BMPR2: variants seen among roughly 807,000 people sequenced by gnomAD.
BMPR2 encodes bone morphogenetic protein receptor type-2.
In BMPR2, 29 loss-of-function variants were observed where a neutral mutation model predicts 100.8. That is an observed-to-expected ratio of 0.29 (90% CI 0.21 to 0.39). The LOEUF (loss-of-function observed/expected upper bound fraction) is 0.39. BMPR2 is among the 10% of genes least tolerant of loss of function. BMPR2 has a pLI of 1.00. For synonymous variants in BMPR2, 382 were observed against 442.3 expected (o/e 0.86, Z 1.71); for missense variants, 1,011 against 1,274.5 (o/e 0.79, Z 3.15).
chr2:202,489,530 T>G (rs936406792), intron 3 of BMPR2, among the ~76,000 whole-genome samples: 17 of 152,138 alleles, frequency 1.1e-4, no homozygotes, highest in Non-Finnish European at 2.4e-4. Context: ...AAGATAGAAG[T>G]AGATTTAAAG....
chr2:202,403,850 A>G (rs571237389), intron 1 of BMPR2, among the ~76,000 whole-genome samples: 19 of 152,188 alleles, frequency 1.2e-4, no homozygotes, highest in African/African-American at 4.6e-4. Flanking sequence ...TACTAAAAAT[A>G]CAAAAGTAGC....
chr2:202,438,775 T>C (rs549378689), intron 1 of BMPR2, among the ~76,000 whole-genome samples: 35 of 150,600 alleles, frequency 2.3e-4, no homozygotes, highest in Non-Finnish European at 4.9e-4. Flanking sequence ...TCACCATATA[T>C]ATAAGGGTTT....
intron 1 of BMPR2, among the ~76,000 whole-genome samples, chr2:202,437,908 A>AT (rs749620633): frequency 0.02 from 3,064 of 150,702 alleles, 68 homozygotes; most frequent in South Asian, 0.038. Flanking sequence ...GTTATTGTGA[A>AT]TAATGCCATT....
chr2:202,422,155 C>T (rs1394220647), intron 1 of BMPR2, among the ~76,000 whole-genome samples: 2 of 152,156 alleles, frequency 1.3e-5, no homozygotes, highest in Non-Finnish European at 2.9e-5. Flanking sequence ...GATCTGCCCG[C>T]GTCGGCCTCC....
intron 3 of BMPR2, among the ~76,000 whole-genome samples, chr2:202,470,588 C>G (rs1387957249): frequency 4.0e-5 from 6 of 150,448 alleles, no homozygotes; most frequent in Non-Finnish European, 8.9e-5. Flanking sequence ...GGTGAAACCC[C>G]GTCTCTACTA....
chr2:202,469,154 C>A (rs1334812573), intron 3 of BMPR2, among the ~76,000 whole-genome samples: 1 of 152,150 alleles, frequency 6.6e-6, no homozygotes, highest in Non-Finnish European at 1.5e-5. Flanking sequence ...CCTCAGCCTC[C>A]CTAGTAGCTG....
rs1184730341 is a variant in BMPR2 at position 202,529,329 on chromosome 2, G to T, written c.968-1465G>T. Among the ~76,000 whole-genome samples the T allele has an allele frequency of 2.0e-5, 3 of 152,306 alleles. No homozygotes were observed. In the East Asian group the frequency reaches 5.8e-4, roughly 29 times the overall value. On this transcript the variant is annotated intron_variant, in intron 7 of 12. Transcript: ENST00000374580. Reference sequence around the variant, plus strand: ...GTGTTCTGCCCAGGGCAAAATTATTGTATGTTCCACCCTCCCTCCATACCC... The same window carrying T: ...GTGTTCTGCCCAGGGCAAAATTATTTTATGTTCCACCCTCCCTCCATACCC...
chr2:202,398,115 A>AC (rs1462377867), intron 1 of BMPR2, among the ~76,000 whole-genome samples: 1 of 152,008 alleles, frequency 6.6e-6, no homozygotes, highest in Non-Finnish European at 1.5e-5. Flanking sequence ...TCTCAAAAAA[A>AC]AAAAAAAAAA....
rs752139986 is a variant in BMPR2, at chr2:202,464,951, A to G, written c.219A>G (p.Ser73=). The change falls in exon 2 of 13, where the codon TCA becomes TCG. Residue 73 remains serine (S), a synonymous_variant. Coordinates refer to ENST00000374580, the MANE Select transcript of BMPR2 (RefSeq NM_001204.7). ...GSTCYGLWEK[S]KGDINLVKQG... ...CCTGCTATGGCCTTTGGGAGAAATC[A>G]AAAGGGGACATAAATCTTGTAAAAC... The G allele has an allele frequency of 1.2e-6, 2 of 1,614,178 alleles. No homozygotes were observed. Among genetic ancestry groups the G allele is most frequent in the South Asian group, 1.1e-5 (1 of 91,082 alleles).
chr2:202,388,175 T>C (rs1258131064), intron 1 of BMPR2, among the ~76,000 whole-genome samples: 2 of 151,744 alleles, frequency 1.3e-5, no homozygotes, highest in Non-Finnish European at 2.9e-5. Flanking sequence ...GGTGGGTGGA[T>C]TAACTGAGAT....
rs1690173676 is a variant in BMPR2, at chr2:202,377,451, T to A, written c.-24T>A. ...CTTCCCATATTTCTTTTCTTTGCCC[T>A]CCTGATTCTTGGCTGGCCCAGGGAT... On this transcript the variant is annotated 5_prime_UTR_variant, in exon 1 of 13. Transcript: ENST00000374580. 1 of 1,613,494 alleles carries A rather than the reference T, an allele frequency of 6.2e-7. No homozygotes were observed. The highest frequency in any genetic ancestry group is 1.3e-5 in the African/African-American group (1 of 74,926).
chr2:202,489,194 G>A (rs917580727), intron 3 of BMPR2, among the ~76,000 whole-genome samples: 17 of 151,980 alleles, frequency 1.1e-4, no homozygotes, highest in African/African-American at 3.6e-4. Flanking sequence ...GTAGAGATGG[G>A]GTTTCACCAT....
At chr2:202,524,283 A>C (rs1000977814) in intron 7 of BMPR2, among the ~76,000 whole-genome samples, 12 of 148,354 alleles carry the variant, frequency 8.1e-5, no homozygotes, top group Middle Eastern at 3.5e-3. Context: ...AATGCCATGA[A>C]CCCGGTACGC....
At chr2:202,484,468 A>T (rs1482111797) in intron 3 of BMPR2, among the ~76,000 whole-genome samples, 22 of 150,726 alleles carry the variant, frequency 1.5e-4, no homozygotes, top group African/African-American at 5.1e-4. Context: ...AGGTCAGGAG[A>T]TCGAGACCAT....
chr2:202,559,666 T>C, intron 12 of BMPR2, 30 bp from the exon 13 acceptor site: 1 of 1,611,764 alleles, frequency 6.2e-7, no homozygotes, highest in Non-Finnish European at 8.5e-7. Context: ...GTTTGTTAAA[T>C]AGCTCATTTT....
intron 1 of BMPR2, among the ~76,000 whole-genome samples, chr2:202,436,281 C>T (rs1691611804): frequency 6.7e-6 from 1 of 150,228 alleles, no homozygotes; most frequent in South Asian, 2.1e-4. Flanking sequence ...GGTGAAACCC[C>T]GTCTCTACAA....
In BMPR2 at chr2:202,495,408, C is replaced by T. The variant is rs955460217; in HGVS notation, c.419-18311C>T. The stretch of plus-strand genomic sequence containing the variant: ...GTTCTGTCGACGGCCTGCCGGCGTG[C>T]GGGTGCCTATCGTTGTGCTCTTCTG... On this transcript the variant is annotated intron_variant, in intron 3 of 12. Coordinates refer to ENST00000374580, the MANE Select transcript of BMPR2 (RefSeq NM_001204.7). This position sits in a 1 kb window ranked among gnomAD's most constrained non-coding sequence, Gnocchi z 4.5. Among the ~76,000 whole-genome samples the T allele has an allele frequency of 1.3e-5, 2 of 152,218 alleles. No homozygotes were observed. The highest frequency in any genetic ancestry group is 4.8e-5 in the African/African-American group (2 of 41,458).
intron 10 of BMPR2, among the ~76,000 whole-genome samples, chr2:202,544,739 AT>A (rs1688342837): frequency 7.3e-6 from 1 of 137,916 alleles, no homozygotes; most frequent in Non-Finnish European, 1.6e-5. Context: ...ATTCAGAGGA[AT>A]TTTCTTTTTT....
chr2:202,422,918 T>C (rs1298509560), intron 1 of BMPR2, among the ~76,000 whole-genome samples: 1 of 149,596 alleles, frequency 6.7e-6, no homozygotes, highest in Non-Finnish European at 1.5e-5. Context: ...CCTCAGGTGA[T>C]CCACCTGCCT....
Sources: allele counts gnomAD v4.1 joint callset (sites outside exome capture counted in the v4.1 genomes callset), GRCh38; gene constraint gnomAD v4.1.1; non-coding constraint Gnocchi (gnomAD v3.1); transcripts MANE v1.5; gene names NCBI Gene and HGNC (gene_info 2026-07-23, HGNC 2026-07-21).